The following ZNF737 variants were observed in gnomAD, a reference collection of about 807,000 sequenced individuals.
ZNF737 encodes zinc finger protein 737.
ZNF737 carries 13 observed loss-of-function variants against 11.7 expected under a neutral mutation model. That is an observed-to-expected ratio of 1.11 (90% CI 0.73 to 1.77). ZNF737 has a LOEUF of 1.77. Ranked by LOEUF, ZNF737 falls within the 40% of genes most tolerant of loss-of-function variation. The pLI is 0.00. For missense variants in ZNF737, 636 were observed against 638.0 expected (o/e 1.00, Z 0.03); for synonymous variants, 217 against 216.2 (o/e 1.00, Z -0.03).
Position 20,544,057 on chromosome 19 carries a change from G to T in ZNF737, c.*535C>A. On this transcript the variant is annotated 3_prime_UTR_variant, in exon 4 of 4. Coordinates refer to ENST00000427401, the MANE Select transcript of ZNF737 (RefSeq NM_001159293.2). ...GTAGGAGAATGGCTTAAACCCAGGA[G>T]GCAGAGGTTGCAGTGAGCCGAGATC... 1 of 827,832 alleles carries T rather than the reference G, an allele frequency of 1.2e-6. No individual in the cohort carries two copies. 51.3% of individuals were successfully genotyped at this position (827,832 alleles called of 1,614,324 possible). A position where few individuals can be genotyped will look rare whatever the true frequency, so the allele number is the denominator to read the frequency against.
At chr19:20,557,568 C>T (rs994560436) in intron 1 of ZNF737, among the ~76,000 whole-genome samples, 1 of 149,494 alleles carries the variant, frequency 6.7e-6, no homozygotes, top group African/African-American at 2.4e-5. Context: ...CAACTTTGTA[C>T]TACATTCTAA....
intron 1 of ZNF737, among the ~76,000 whole-genome samples, chr19:20,561,034 T>C (rs1969073777): frequency 6.6e-6 from 1 of 151,966 alleles, no homozygotes; most frequent in Non-Finnish European, 1.5e-5. Context: ...AACAAACTCA[T>C]GTGTACCCCA....
chr19:20,547,991 G>A (rs1288774212), intron 3 of ZNF737, among the ~76,000 whole-genome samples: 1 of 151,952 alleles, frequency 6.6e-6, no homozygotes, highest in Non-Finnish European at 1.5e-5. Flanking sequence ...AAAAATAAAA[G>A]ATTAGCTTGG....
At chr19:20,548,655 C>A (rs782461140) in intron 3 of ZNF737, among the ~76,000 whole-genome samples, 3 of 151,976 alleles carry the variant, frequency 2.0e-5, no homozygotes, top group Middle Eastern at 6.8e-3. Flanking sequence ...ACTCTGTCAC[C>A]CAAGCTGGAG....
Position 20,545,170 on chromosome 19 carries a change from C to G in ZNF737, c.1033G>C (p.Glu345Gln), listed in dbSNP as rs782705326. The stretch of plus-strand genomic sequence containing the variant: ...AAGTACTTAAAGGCTCTGCCACATT[C>G]TTCACATTTGTAGGGTTTCTCTCCA... ...HTGEKPYKCEECGRAFKYFSS... is the reference protein window; with the variant it reads ...HTGEKPYKCEQCGRAFKYFSS... The change falls in exon 4 of 4, where the codon GAA becomes CAA. Residue 345 changes from glutamate (E) to glutamine (Q), a missense_variant. Coordinates refer to ENST00000427401, the MANE Select transcript of ZNF737 (RefSeq NM_001159293.2). The G allele has an allele frequency of 1.6e-5, 26 of 1,613,484 alleles. No homozygotes were observed. The highest frequency in any genetic ancestry group is 2.7e-5 in the African/African-American group (2 of 74,846).
Position 20,544,884 on chromosome 19 carries a change from A to C in ZNF737, c.1319T>G (p.Leu440Arg). The C allele has an allele frequency of 6.2e-7, 1 of 1,613,468 alleles. No homozygotes were observed. Among genetic ancestry groups the C allele is most frequent in the East Asian group, 2.2e-5 (1 of 44,826 alleles). Residue 440 changes from leucine (L) to arginine (R), a missense_variant, in exon 4 of 4, where the codon CTT becomes CGT. Transcript: ENST00000427401. ...CGKAFKCFSI[L>R]TTHKRIHTGE... is the part of the protein sequence containing the mutation. Reference sequence around the variant, plus strand: ...AGTATGAATTCTCTTATGTGTAGTAAGGATAGAGAAGCACTTAAAGGCCTT... The same window carrying C: ...AGTATGAATTCTCTTATGTGTAGTACGGATAGAGAAGCACTTAAAGGCCTT...
rs1968333410 is a variant in ZNF737 at position 20,544,201 on chromosome 19, T to C, written c.*391A>G. 2.1e-5 allele frequency: 21 copies of C among 1,015,716 alleles called. No homozygotes were observed. Among genetic ancestry groups the C allele is most frequent in the African/African-American group, 3.5e-5 (2 of 57,810 alleles). 62.9% of individuals were successfully genotyped at this position (1,015,716 alleles called of 1,614,324 possible). On this transcript the variant is annotated 3_prime_UTR_variant, in exon 4 of 4. Transcript: ENST00000427401. ...AAACTTGTAGGATTTTTGTCCAGCA[T>C]GAATTATGTGTAAGAAGGGTTCAGA...
At chr19:20,531,491 C>T (rs68150743), downstream of ZNF737, among the ~76,000 whole-genome samples, 17,068 of 149,168 alleles carry the variant, frequency 0.11, 1,869 homozygotes, top group Non-Finnish European at 0.13. Context: ...GAGTCTTGCC[C>T]TATTGCTTAG....
At chr19:20,552,310 T>C (rs558681773) in intron 3 of ZNF737, among the ~76,000 whole-genome samples, 165 bp downstream of exon 3, 12 of 145,210 alleles carry the variant, frequency 8.3e-5, no homozygotes, top group Middle Eastern at 3.5e-3. Context: ...GATGCCCCTT[T>C]ATAAGAGCAA....
chr19:20,538,053 ACT>A lies in ZNF737; in HGVS notation c.*6537_*6538del, dbSNP rs1968049658. 1.0e-6 allele frequency: 1 copy of A among 983,238 alleles called. No individual in the cohort carries two copies. Among genetic ancestry groups the A allele is most frequent in the African/African-American group, 1.7e-5 (1 of 57,190 alleles). The allele number at this position is 983,238 out of a possible 1,614,324, so 60.9% of individuals were successfully genotyped here. On this transcript the variant is annotated 3_prime_UTR_variant, in exon 4 of 4. Coordinates refer to ENST00000427401, the MANE Select transcript of ZNF737 (RefSeq NM_001159293.2). ...TGTATTAACCATGTTTTCAGTAATCACTCTGAACACAGCATTCTCAGTTCACA... is the reference window on the plus strand; with the variant it reads ...TGTATTAACCATGTTTTCAGTAATCACTGAACACAGCATTCTCAGTTCACA...
chr19:20,535,528 G>GT (rs112343450), downstream of ZNF737, among the ~76,000 whole-genome samples: 122 of 139,958 alleles, frequency 8.7e-4, no homozygotes, highest in Non-Finnish European at 1.1e-3. Context: ...CAAAATCCTC[G>GT]TTTTTTTTTT....
At chr19:20,561,917 T>C (rs1249884201) in intron 1 of ZNF737, among the ~76,000 whole-genome samples, 2 of 152,056 alleles carry the variant, frequency 1.3e-5, no homozygotes, top group East Asian at 3.9e-4. Flanking sequence ...GTTTAATATA[T>C]AAGATGCAGC....
chr19:20,546,562 C>T (rs1968463552), intron 3 of ZNF737, among the ~76,000 whole-genome samples: 1 of 152,194 alleles, frequency 6.6e-6, no homozygotes, highest in African/African-American at 2.4e-5. Context: ...TTCCTATTTG[C>T]ATCTGGTGTA....
intron 1 of ZNF737, among the ~76,000 whole-genome samples, chr19:20,556,906 G>A (rs943079089): frequency 2.0e-5 from 3 of 152,128 alleles, no homozygotes; most frequent in Admixed American, 1.3e-4. Context: ...CATAACACCC[G>A]GGGAGCTGGT....
At position 20,541,171 on chromosome 19, in the gene ZNF737, A is replaced by T. The variant is rs1392765111; in HGVS notation, c.*3421T>A. The T allele has an allele frequency of 3.1e-6, 3 of 982,588 alleles. No individual in the cohort carries two copies. Among genetic ancestry groups the T allele is most frequent in the African/African-American group, 1.7e-5 (1 of 57,180 alleles). The allele number at this position is 982,588 out of a possible 1,614,324, so 60.9% of individuals were successfully genotyped here. A position where few individuals can be genotyped will look rare whatever the true frequency, so the allele number is the denominator to read the frequency against. ...ATAGATTTGCTTTCACCATTTTAAA[A>T]GTGTTTAGTTTTGTTAATCACCTAA... On this transcript the variant is annotated 3_prime_UTR_variant, in exon 4 of 4. Transcript: ENST00000427401.
downstream of ZNF737, among the ~76,000 whole-genome samples, chr19:20,537,123 T>C (rs1277264130): frequency 6.6e-6 from 1 of 151,906 alleles, no homozygotes; most frequent in Non-Finnish European, 1.5e-5. Context: ...AAACAAAAAC[T>C]GATCATGAAT....
In ZNF737 at chr19:20,543,121, T is replaced by A. The variant is rs1968287023; in HGVS notation, c.*1471A>T. 2.1e-6 allele frequency: 2 copies of A among 955,194 alleles called. No individual in the cohort carries two copies. Among genetic ancestry groups the A allele is most frequent in the Admixed American group, 1.2e-4 (2 of 16,232 alleles). 59.2% of individuals were successfully genotyped at this position (955,194 alleles called of 1,614,324 possible). A position where few individuals can be genotyped will look rare whatever the true frequency, so the allele number is the denominator to read the frequency against. ...TATTTATATACAATCTATTTTGAATTAAATATTTTTTAATATTTACTGCAT... is the reference window on the plus strand; with the variant it reads ...TATTTATATACAATCTATTTTGAATAAAATATTTTTTAATATTTACTGCAT... On this transcript the variant is annotated 3_prime_UTR_variant, in exon 4 of 4. Coordinates refer to ENST00000427401, the MANE Select transcript of ZNF737 (RefSeq NM_001159293.2).
At chr19:20,563,766 G>A (rs1456726144) in intron 1 of ZNF737, among the ~76,000 whole-genome samples, 7 of 152,098 alleles carry the variant, frequency 4.6e-5, no homozygotes, top group African/African-American at 1.4e-4. Flanking sequence ...GATGACAGGC[G>A]TGAGCCACTG....
chr19:20,534,903 C>T (rs552137188), downstream of ZNF737, among the ~76,000 whole-genome samples: 45 of 149,882 alleles, frequency 3.0e-4, 3 homozygotes, highest in African/African-American at 1.1e-3. Flanking sequence ...GTTATGTTAA[C>T]AATAAAGTAA....
Sources: gnomAD v4.1 joint callset for allele counts (sites outside exome capture counted in the v4.1 genomes callset) on GRCh38, gnomAD v4.1.1 for gene constraint, MANE v1.5 for transcripts, NCBI Gene and HGNC (gene_info 2026-07-23, HGNC 2026-07-21) for gene names.